Variants in SLC35F4 observed in about 807,000 individuals in gnomAD.
SLC35F4 encodes the protein chromosome 14 open reading frame 36.
SLC35F4 carries 24 observed loss-of-function variants against 44.2 expected under a neutral mutation model. That is an observed-to-expected ratio of 0.54 (90% CI 0.39 to 0.76). The LOEUF (loss-of-function observed/expected upper bound fraction) is 0.76, where lower values mean the gene tolerates loss of function less well. Among genes scored for constraint, SLC35F4 ranks in the 30% least tolerant of loss-of-function variants. SLC35F4 has a pLI of 0.00. For synonymous variants in SLC35F4, 238 were observed against 223.6 expected (o/e 1.06, Z -0.57); for missense variants, 562 against 586.1 (o/e 0.96, Z 0.42).
rs551599626 is a variant in SLC35F4, at chr14:57,913,367, C to T, written n.282+68546G>A. 5.4e-3 allele frequency among the ~76,000 whole-genome samples: 816 copies of T among 152,060 alleles called. 5 individuals are homozygous for T. Among genetic ancestry groups the T allele is most frequent in the Non-Finnish European group, 8.9e-3 (603 of 67,888 alleles). Reference sequence around the variant, plus strand: ...CTTACTTTTATCTTCTATACTTTTTCTGCCTTTTGTGGTTTCAATTAAGCA... The same window carrying T: ...CTTACTTTTATCTTCTATACTTTTTTTGCCTTTTGTGGTTTCAATTAAGCA... On this transcript the variant is annotated intron_variant and non_coding_transcript_variant, in intron 1 of 1. Transcript: ENST00000556568.
At chr14:57,870,576 A>T (rs568373705), upstream of SLC35F4, among the ~76,000 whole-genome samples, 22 of 152,330 alleles carry the variant, frequency 1.4e-4, no homozygotes, top group South Asian at 1.7e-3. Context: ...TTTTATGCAG[A>T]CATAGAACGC....
intron 1 of SLC35F4, among the ~76,000 whole-genome samples, chr14:57,732,735 T>A (rs2076373618): frequency 6.6e-6 from 1 of 152,078 alleles, no homozygotes; most frequent in Non-Finnish European, 1.5e-5. Flanking sequence ...CAATAAGAAA[T>A]CTTATTATAG....
At chr14:57,665,336 C>T (rs1383928559) in intron 1 of SLC35F4, among the ~76,000 whole-genome samples, 8 of 152,154 alleles carry the variant, frequency 5.3e-5, no homozygotes, top group Admixed American at 3.9e-4. Flanking sequence ...ATAGCTATTA[C>T]TTATTGTGCT....
intron 1 of SLC35F4, among the ~76,000 whole-genome samples, chr14:57,668,104 A>G (rs1176439678): frequency 5.3e-5 from 8 of 150,218 alleles, no homozygotes; most frequent in Non-Finnish European, 1.2e-4. Context: ...GCATTTTTTC[A>G]TGTGTCTGTT....
intron 1 of SLC35F4, among the ~76,000 whole-genome samples, chr14:57,708,851 G>A (rs1411207212): frequency 6.6e-6 from 1 of 152,088 alleles, no homozygotes; most frequent in African/African-American, 2.4e-5. Flanking sequence ...AAGGTCATGT[G>A]GGTCACGTGT....
At chr14:57,982,981 T>C (rs1178183355), upstream of SLC35F4, among the ~76,000 whole-genome samples, 2 of 152,214 alleles carry the variant, frequency 1.3e-5, no homozygotes, top group Non-Finnish European at 2.9e-5. Context: ...TCAAGGACTC[T>C]TGTTTCCGGC....
chr14:57,685,642 T>C (rs1257955312), intron 1 of SLC35F4, among the ~76,000 whole-genome samples: 4 of 152,192 alleles, frequency 2.6e-5, no homozygotes, highest in Non-Finnish European at 4.4e-5. Flanking sequence ...CATCACACTC[T>C]CCTTAATTGT....
chr14:57,722,906 G>A (rs546726705), intron 1 of SLC35F4, among the ~76,000 whole-genome samples: 1 of 152,306 alleles, frequency 6.6e-6, no homozygotes, highest in Non-Finnish European at 1.5e-5. Context: ...TGAATGAAGG[G>A]GAAGGCTGGG....
chr14:57,794,851 A>T (rs2078017573), intron 1 of SLC35F4, among the ~76,000 whole-genome samples: 1 of 152,140 alleles, frequency 6.6e-6, no homozygotes, highest in African/African-American at 2.4e-5. Context: ...CTGGGAAAAA[A>T]AACTGACCTT....
intron 1 of SLC35F4, among the ~76,000 whole-genome samples, chr14:57,920,214 G>A (rs562683541): frequency 6.6e-6 from 1 of 152,260 alleles, no homozygotes; most frequent in East Asian, 1.9e-4. Context: ...ACTCTGCGTT[G>A]CCTTTGGTTA....
chr14:57,588,485 G>A (rs768091048), intron 3 of SLC35F4, among the ~76,000 whole-genome samples: 4 of 152,086 alleles, frequency 2.6e-5, no homozygotes, highest in Non-Finnish European at 4.4e-5. Context: ...TGCCTCCCTT[G>A]AGTGCCATGC....
At chr14:57,946,650 A>G (rs560505174) in intron 1 of SLC35F4, among the ~76,000 whole-genome samples, 18 of 150,754 alleles carry the variant, frequency 1.2e-4, no homozygotes, top group Middle Eastern at 3.4e-3. Context: ...AATTTTTTGT[A>G]TTTTTAGTAG....
intron 1 of SLC35F4, among the ~76,000 whole-genome samples, chr14:57,646,719 G>A (rs1054201416): frequency 1.6e-4 from 24 of 152,166 alleles, no homozygotes; most frequent in Admixed American, 4.6e-4. Context: ...ATGTTAGGGT[G>A]TCAAATTTAG....
chr14:57,889,506 A>T (rs182697072), intron 1 of SLC35F4, among the ~76,000 whole-genome samples: 4 of 152,358 alleles, frequency 2.6e-5, no homozygotes, highest in Admixed American at 1.3e-4. Flanking sequence ...AAGGAGGCCC[A>T]GGGGCAGAAC....
intron 1 of SLC35F4, among the ~76,000 whole-genome samples, chr14:57,722,661 G>A (rs2076113296): frequency 6.6e-6 from 1 of 152,286 alleles, no homozygotes; most frequent in Admixed American, 6.5e-5. Flanking sequence ...GGACAGCAGA[G>A]GCAAAGCGGC....
intron 1 of SLC35F4, among the ~76,000 whole-genome samples, chr14:57,749,528 A>T (rs2076834977): frequency 6.6e-6 from 1 of 151,858 alleles, no homozygotes; most frequent in Admixed American, 6.6e-5. Context: ...TTAAAAAAAA[A>T]ACAAATGGGT....
intron 1 of SLC35F4, among the ~76,000 whole-genome samples, chr14:57,833,178 A>T (rs1472605587): frequency 6.6e-6 from 1 of 152,156 alleles, no homozygotes; most frequent in Non-Finnish European, 1.5e-5. Flanking sequence ...CCTTGTTATC[A>T]TCTAATCGCA....
intron 1 of SLC35F4, among the ~76,000 whole-genome samples, chr14:57,674,422 T>A (rs2074622067): frequency 6.6e-6 from 1 of 152,154 alleles, no homozygotes; most frequent in South Asian, 2.1e-4. Flanking sequence ...TACAAGAATT[T>A]TCACAGCAGC....
intron 1 of SLC35F4, among the ~76,000 whole-genome samples, chr14:57,605,895 G>T (rs563921485): frequency 1.9e-4 from 29 of 152,266 alleles, no homozygotes; most frequent in African/African-American, 6.5e-4. Context: ...TCACTTGCAG[G>T]TGGGAGCTAA....
Sources: gnomAD v4.1 joint callset for allele counts (sites outside exome capture counted in the v4.1 genomes callset) on GRCh38, gnomAD v4.1.1 for gene constraint, MANE v1.5 for transcripts, NCBI Gene and HGNC (gene_info 2026-07-23, HGNC 2026-07-21) for gene names.